Variants in PRKG2 observed in about 807,000 individuals in gnomAD.
The protein encoded by PRKG2 is cGMP-dependent protein kinase 2.
A neutral mutation model predicts 97.2 loss-of-function variants in PRKG2; 33 were observed. The ratio of observed to expected loss-of-function variants is 0.34; its 90% CI spans 0.26 to 0.45. PRKG2 has a LOEUF of 0.45. Ranked by LOEUF, PRKG2 falls within the 20% of genes least tolerant of loss-of-function variation. PRKG2 has a pLI of 1.00. For synonymous variants in PRKG2, 330 were observed against 321.8 expected, an observed-to-expected ratio of 1.03 and a Z score of -0.27; for missense variants, 638 against 900.0, an observed-to-expected ratio of 0.71 and a Z score of 3.73.
At chr4:81,161,881 A>G (rs1249241856) in intron 6 of PRKG2, among the ~76,000 whole-genome samples, 1 of 144,356 alleles carries the variant, frequency 6.9e-6, no homozygotes, top group Non-Finnish European at 1.5e-5. Flanking sequence ...CCCTTTTGCC[A>G]TGTAATATAA....
At chr4:81,166,303 T>C (rs78072971) in intron 6 of PRKG2, among the ~76,000 whole-genome samples, 16,603 of 151,812 alleles carry the variant, frequency 0.11, 1,096 homozygotes, top group Middle Eastern at 0.21. Flanking sequence ...CCTTGCAGGG[T>C]TTTGGGGGTT....
chr4:81,214,752 G>A (rs955764683), intron 1 of PRKG2, among the ~76,000 whole-genome samples, 184 bp downstream of exon 1: 1 of 152,162 alleles, frequency 6.6e-6, no homozygotes, highest in Non-Finnish European at 1.5e-5. Flanking sequence ...CTGCCACACC[G>A]AGCGAATGCA....
intron 2 of PRKG2, among the ~76,000 whole-genome samples, chr4:81,181,987 C>T (rs1011052396): frequency 7.9e-5 from 12 of 151,636 alleles, no homozygotes; most frequent in African/African-American, 2.7e-4. Flanking sequence ...AAAACTATCC[C>T]ACCCAAAAAA....
intron 14 of PRKG2, among the ~76,000 whole-genome samples, chr4:81,112,097 T>G (rs889530651): frequency 2.6e-5 from 4 of 152,188 alleles, no homozygotes; most frequent in African/African-American, 9.7e-5. Context: ...TTAATTTACC[T>G]TAAATAAACC....
rs1161663430 is a variant in PRKG2 at position 81,189,504 on chromosome 4, C to T, written c.462-14545G>A. Among the ~76,000 whole-genome samples the T allele has an allele frequency of 6.8e-5, 10 of 146,044 alleles. No individual in the cohort carries two copies. The South Asian group carries it at 1.1e-3, about 16-fold the overall frequency. ...GAAATCATCATTCTCAGTAAACTATCGCAAGAACAAAAAACCAAACACCGC... is the reference window on the plus strand; with the variant it reads ...GAAATCATCATTCTCAGTAAACTATTGCAAGAACAAAAAACCAAACACCGC... On this transcript the variant is annotated intron_variant, in intron 2 of 18. Coordinates refer to ENST00000264399, the MANE Select transcript of PRKG2 (RefSeq NM_006259.3).
chr4:81,213,493 G>A (rs140225382), intron 1 of PRKG2, among the ~76,000 whole-genome samples: 1 of 152,260 alleles, frequency 6.6e-6, no homozygotes, highest in Non-Finnish European at 1.5e-5. Context: ...TGAGATCAGA[G>A]AGAAAAGTGC....
At chr4:81,133,273 A>G (rs1746351275) in intron 14 of PRKG2, among the ~76,000 whole-genome samples, 1 of 152,178 alleles carries the variant, frequency 6.6e-6, no homozygotes, top group Non-Finnish European at 1.5e-5. Flanking sequence ...CTTTGCATGT[A>G]ATCTGTCATT....
chr4:81,131,417 C>T (rs185448238), intron 14 of PRKG2, among the ~76,000 whole-genome samples: 14 of 152,312 alleles, frequency 9.2e-5, no homozygotes, highest in African/African-American at 3.4e-4. Context: ...TCCTATTTGG[C>T]CATCTTGCCA....
chr4:81,093,360 AAC>A (rs60004845), intron 17 of PRKG2, among the ~76,000 whole-genome samples: 4,008 of 116,050 alleles, frequency 0.035, 63 homozygotes, highest in Middle Eastern at 0.045. Flanking sequence ...CTCCCCCACC[AAC>A]ACACACACAC....
intron 10 of PRKG2, 50 bp from the exon 11 acceptor site, chr4:81,142,997 G>T (rs781344797): frequency 1.3e-6 from 2 of 1,511,916 alleles, no homozygotes; most frequent in Admixed American, 1.9e-5. Flanking sequence ...AATTAAGAAG[G>T]TGTCATGCCA....
intron 6 of PRKG2, among the ~76,000 whole-genome samples, chr4:81,162,772 C>T (rs1749678145): frequency 6.6e-6 from 1 of 152,140 alleles, no homozygotes; most frequent in Non-Finnish European, 1.5e-5. Context: ...CAGCTGTCTT[C>T]ACCACATAGC....
intron 1 of PRKG2, among the ~76,000 whole-genome samples, chr4:81,210,152 T>C (rs991463886): frequency 1.3e-5 from 2 of 151,550 alleles, no homozygotes; most frequent in African/African-American, 2.4e-5. Context: ...TAGGAGAAAT[T>C]CTAGGTGATC....
At chr4:81,206,276 C>G (rs1517553) in intron 1 of PRKG2, among the ~76,000 whole-genome samples, 32,410 of 151,958 alleles carry the variant, frequency 0.21, 3,467 homozygotes, top group Admixed American at 0.23. Context: ...TGGCTGTGTC[C>G]CCACCCAAAT....
chr4:81,146,383 T>C (rs1007907002), intron 9 of PRKG2, among the ~76,000 whole-genome samples: 2 of 152,092 alleles, frequency 1.3e-5, no homozygotes, highest in African/African-American at 4.8e-5. Context: ...AACTTTTTTT[T>C]TGAAATTTGT....
At chr4:81,216,022 C>CAGCA (rs1303306183), upstream of PRKG2, among the ~76,000 whole-genome samples, 2 of 151,968 alleles carry the variant, frequency 1.3e-5, no homozygotes, top group Non-Finnish European at 2.9e-5. Flanking sequence ...GGAATTTCAC[C>CAGCA]AGCAAATTCA....
intron 6 of PRKG2, among the ~76,000 whole-genome samples, chr4:81,154,771 A>C (rs573560125): frequency 6.6e-6 from 1 of 152,356 alleles, no homozygotes; most frequent in Admixed American, 6.5e-5. Context: ...TGGACGGAGA[A>C]TGACTTTGAC....
chr4:81,110,963 C>A (rs1023610273), intron 14 of PRKG2, among the ~76,000 whole-genome samples: 1 of 151,480 alleles, frequency 6.6e-6, no homozygotes, highest in Admixed American at 6.6e-5. Context: ...GCAAGCAGGA[C>A]TAAACAGATG....
intron 8 of PRKG2, among the ~76,000 whole-genome samples, chr4:81,151,614 A>G (rs1013102245): frequency 2.0e-5 from 3 of 152,132 alleles, no homozygotes; most frequent in African/African-American, 7.2e-5. Context: ...AAAAAGGTGA[A>G]AACTCTAAAG....
chr4:81,208,222 GGT>G (rs1426516866), intron 1 of PRKG2, among the ~76,000 whole-genome samples: 1 of 152,010 alleles, frequency 6.6e-6, no homozygotes, highest in African/African-American at 2.4e-5. Flanking sequence ...CATCTCGTAG[GGT>G]TACTATGATT....
Sources: gnomAD v4.1 joint callset for allele counts (sites outside exome capture counted in the v4.1 genomes callset) on GRCh38, gnomAD v4.1.1 for gene constraint, MANE v1.5 for transcripts, NCBI Gene and HGNC (gene_info 2026-07-23, HGNC 2026-07-21) for gene names.